Variants in GBF1 observed in about 807,000 individuals in gnomAD.
The protein encoded by GBF1 is Golgi-specific brefeldin A-resistance guanine nucleotide exchange factor 1.
Under a neutral mutation model 210.5 loss-of-function variants are expected in GBF1, and 114 were observed. The ratio of observed to expected loss-of-function variants is 0.54; its 90% CI spans 0.47 to 0.63. The LOEUF (loss-of-function observed/expected upper bound fraction) is 0.63. Among genes scored for constraint, GBF1 ranks in the 30% least tolerant of loss-of-function variants. The probability of loss-of-function intolerance (pLI) is 0.00; values close to 1 mark genes in which losing one functional copy is unlikely to be tolerated. For missense variants in GBF1, 1,851 were observed against 2,357.7 expected, an observed-to-expected ratio of 0.79 and a Z score of 4.45; for synonymous variants, 850 against 889.2, an observed-to-expected ratio of 0.96 and a Z score of 0.78.
At chr10:102,355,446 G>A (rs973286214) in intron 8 of GBF1, among the ~76,000 whole-genome samples, 1 of 152,146 alleles carries the variant, frequency 6.6e-6, no homozygotes, top group Admixed American at 6.5e-5. Context: ...TACAGATAAG[G>A]TGGCGTAGAA....
intron 1 of GBF1, among the ~76,000 whole-genome samples, chr10:102,247,493 T>C (rs935776936): frequency 1.3e-5 from 2 of 152,204 alleles, no homozygotes; most frequent in African/African-American, 4.8e-5. Flanking sequence ...CCTGCCTTGC[T>C]CACTTGGGCC....
intron 3 of GBF1, among the ~76,000 whole-genome samples, chr10:102,323,476 G>C (rs924971667): frequency 6.6e-6 from 1 of 151,944 alleles, no homozygotes; most frequent in Non-Finnish European, 1.5e-5. Flanking sequence ...TTGTTCATTG[G>C]CCCTTGTCTT....
At chr10:102,318,214 A>G (rs2134104823) in intron 3 of GBF1, among the ~76,000 whole-genome samples, 1 of 151,018 alleles carries the variant, frequency 6.6e-6, no homozygotes, top group Non-Finnish European at 1.5e-5. Context: ...TTATTTTAAG[A>G]TAGTGTCTCA....
At position 102,367,218 on chromosome 10, in the gene GBF1, TG is replaced by T. The variant is rs754732693; in HGVS notation, c.2559+11del. Reference sequence around the variant, plus strand: ...GCACCCATGACCCTGGAGGTAAGCTTGGGTCCCAGTCAAGGCAAAGAAGACC... The same window carrying T: ...GCACCCATGACCCTGGAGGTAAGCTTGGTCCCAGTCAAGGCAAAGAAGACC... On this transcript the variant is annotated intron_variant, in intron 20 of 39. Transcript: ENST00000369983. 3.7e-6 allele frequency: 6 copies of T among 1,613,618 alleles called. No individual in the cohort carries two copies. The highest frequency in any genetic ancestry group is 5.1e-6 in the Non-Finnish European group (6 of 1,179,722).
intron 10 of GBF1, chr10:102,358,956 G>A (rs1190066216): frequency 8.4e-6 from 5 of 592,808 alleles, no homozygotes; most frequent in Non-Finnish European, 1.5e-5. Context: ...CATATAGGTA[G>A]TACTTGACAA....
At chr10:102,288,725 AAAAAAAAAAAC>A (rs1378581330) in intron 3 of GBF1, among the ~76,000 whole-genome samples, 2 of 146,524 alleles carry the variant, frequency 1.4e-5, no homozygotes, top group South Asian at 2.2e-4. Flanking sequence ...CTCAAAGGAA[AAAAAAAAAAAC>A]AAAAAAAAAA....
rs770504403 is a variant in GBF1 at position 102,375,330 on chromosome 10, C to T, written c.3661-29C>T. On this transcript the variant is annotated intron_variant, in intron 29 of 39. Transcript: ENST00000369983. ...TGTGTGCCCACACAGCTCCCCGCTTCCCCGCTCCCTGCCCTAACCCCACTC... is the reference window on the plus strand; with the variant it reads ...TGTGTGCCCACACAGCTCCCCGCTTTCCCGCTCCCTGCCCTAACCCCACTC... 6.0e-6 allele frequency: 8 copies of T among 1,340,306 alleles called. 1 individual carries two copies. The South Asian group carries it at 7.0e-5, about 12-fold the overall frequency. 83.0% of individuals were successfully genotyped at this position (1,340,306 alleles called of 1,614,324 possible). A position where few individuals can be genotyped will look rare whatever the true frequency, so the allele number is the denominator to read the frequency against.
At chr10:102,327,046 C>G (rs544291576) in intron 3 of GBF1, among the ~76,000 whole-genome samples, 1 of 152,290 alleles carries the variant, frequency 6.6e-6, no homozygotes, top group East Asian at 1.9e-4. Flanking sequence ...AGCATATACA[C>G]TATTATGTAG....
chr10:102,235,840 C>T, the GBF1 span, among the ~76,000 whole-genome samples: 1 of 152,164 alleles, frequency 6.6e-6, no homozygotes, highest in Non-Finnish European at 1.5e-5. Flanking sequence ...GCAACACATG[C>T]TGTGAACACT....
the GBF1 span, chr10:102,231,872 C>G: frequency 3.2e-6 from 5 of 1,566,334 alleles, no homozygotes; most frequent in African/African-American, 6.7e-5. Flanking sequence ...AAGCCACTCG[C>G]TGGCTCCCAC....
the GBF1 span, among the ~76,000 whole-genome samples, chr10:102,234,380 T>C: frequency 1.3e-5 from 2 of 152,086 alleles, no homozygotes; most frequent in Admixed American, 1.3e-4. Context: ...GGACCTTTTA[T>C]TGGGTGTGAA....
chr10:102,348,261 A>T (rs2058709982), intron 4 of GBF1, among the ~76,000 whole-genome samples: 1 of 152,200 alleles, frequency 6.6e-6, no homozygotes, highest in Non-Finnish European at 1.5e-5. Flanking sequence ...TAGAAAATTA[A>T]CTTTGCTACT....
At chr10:102,365,295 T>G in intron 17 of GBF1, 102 bp from the exon 18 acceptor site, 1 of 817,908 alleles carries the variant, frequency 1.2e-6, no homozygotes, top group Non-Finnish European at 2.0e-6. Context: ...TCCTAGGAGC[T>G]TTTTAGCTGA....
chr10:102,243,415 T>C (rs2070587352), upstream of GBF1, among the ~76,000 whole-genome samples: 1 of 152,224 alleles, frequency 6.6e-6, no homozygotes, highest in African/African-American at 2.4e-5. Context: ...ATGAGGAAGA[T>C]GTTCTGCCTG....
At chr10:102,299,323 AG>A (rs2077149536) in intron 3 of GBF1, among the ~76,000 whole-genome samples, 1 of 152,146 alleles carries the variant, frequency 6.6e-6, no homozygotes, top group Admixed American at 6.6e-5. Context: ...TGGTGGGGAA[AG>A]CGTGTGACTA....
intron 3 of GBF1, among the ~76,000 whole-genome samples, chr10:102,288,626 G>T (rs1041526067): frequency 4.2e-4 from 64 of 151,704 alleles, no homozygotes; most frequent in Non-Finnish European, 8.1e-4. Context: ...CAGGAGAATG[G>T]CGTGAACCCG....
Position 102,363,756 on chromosome 10 carries a change from G to T in GBF1, c.2064G>T (p.Leu688=), listed in dbSNP as rs896997594. 1 of 1,613,182 alleles carries T rather than the reference G, an allele frequency of 6.2e-7. No individual in the cohort carries two copies. The highest frequency in any genetic ancestry group is 1.3e-5 in the African/African-American group (1 of 74,874). ...ARKPPRFSCL[L]PDPRELIEIK... ...AGCCACCCCGATTTTCCTGTCTCCT[G>T]CCAGATCCACGGGAACTAATTGAAA... Residue 688 remains leucine (L), a synonymous_variant, in exon 17 of 40, where the codon CTG becomes CTT. Coordinates refer to ENST00000369983, the MANE Select transcript of GBF1 (RefSeq NM_001377137.1). This position sits in a 1 kb window ranked among gnomAD's most constrained non-coding sequence, Gnocchi z 4.2.
At chr10:102,380,751 T>A in intron 38 of GBF1, 65 bp downstream of exon 38, 1 of 1,345,314 alleles carries the variant, frequency 7.4e-7, no homozygotes, top group Non-Finnish European at 1.0e-6. Flanking sequence ...CTCACACCTC[T>A]AATCCCAGCA....
intron 1 of GBF1, among the ~76,000 whole-genome samples, chr10:102,253,986 TG>T (rs1321616662): frequency 6.6e-6 from 1 of 152,202 alleles, no homozygotes; most frequent in African/African-American, 2.4e-5. Context: ...TTGCCAATTT[TG>T]GGGAGGGGTT....
Sources: allele counts gnomAD v4.1 joint callset (sites outside exome capture counted in the v4.1 genomes callset), GRCh38; gene constraint gnomAD v4.1.1; non-coding constraint Gnocchi (gnomAD v3.1); transcripts MANE v1.5; gene names NCBI Gene and HGNC (gene_info 2026-07-23, HGNC 2026-07-21).